CIMAP1D: variants seen among roughly 807,000 people sequenced by gnomAD.
The protein encoded by CIMAP1D is CIMAP1 family member D, also known as protein CIMAP1D.
the CIMAP1D span, among the ~76,000 whole-genome samples, chr19:475,866 C>A: frequency 6.6e-6 from 1 of 151,216 alleles, no homozygotes; most frequent in Non-Finnish European, 1.5e-5. Flanking sequence ...CTCTGCCTCC[C>A]GGGTTTATGC....
chr19:472,653 G>A, the CIMAP1D span: 1 of 530,006 alleles, frequency 1.9e-6, no homozygotes, highest in Non-Finnish European at 3.4e-6. Context: ...GCCCGTCGGG[G>A]ACAAAATGTG....
the CIMAP1D span, chr19:472,279 C>T: frequency 5.6e-6 from 3 of 538,606 alleles, no homozygotes; most frequent in East Asian, 1.0e-4. Context: ...GCCCTGCCTG[C>T]TTCCTGCCGC....
chr19:484,601 G>A, the CIMAP1D span, among the ~76,000 whole-genome samples: 1 of 152,346 alleles, frequency 6.6e-6, no homozygotes, highest in Non-Finnish European at 1.5e-5. Flanking sequence ...CCTGGAGGAA[G>A]TCAGGACCTC....
At chr19:489,631 T>G in the CIMAP1D span, 16,809 of 171,162 alleles carry the variant, frequency 0.098, 1,745 homozygotes, top group African/African-American at 0.27. Context: ...GTCGGGCCTG[T>G]GGGTGACCGT....
the CIMAP1D span, among the ~76,000 whole-genome samples, chr19:468,411 G>A: frequency 1.8e-4 from 28 of 152,222 alleles, no homozygotes; most frequent in Admixed American, 1.6e-3. Context: ...GAGCGACTAG[G>A]CTCTGAACCA....
the CIMAP1D span, among the ~76,000 whole-genome samples, chr19:487,257 G>GT: frequency 6.6e-6 from 1 of 152,200 alleles, no homozygotes; most frequent in East Asian, 1.9e-4. Context: ...CACGATGGGA[G>GT]TATTTACAAC....
chr19:486,475 C>T, the CIMAP1D span, among the ~76,000 whole-genome samples: 1 of 151,912 alleles, frequency 6.6e-6, no homozygotes, highest in African/African-American at 2.4e-5. Context: ...GAGTCTTGCT[C>T]TATCACCCAG....
At chr19:477,592 C>A in the CIMAP1D span, among the ~76,000 whole-genome samples, 5 of 148,106 alleles carry the variant, frequency 3.4e-5, 1 homozygote, top group Middle Eastern at 6.8e-3. Flanking sequence ...ACGTCAAAAT[C>A]AAAAAAAAGA....
the CIMAP1D span, chr19:474,587 A>T: frequency 6.8e-7 from 1 of 1,467,126 alleles, no homozygotes. Context: ...GGAGCAGGAA[A>T]AGGTCCCACC....
the CIMAP1D span, among the ~76,000 whole-genome samples, chr19:481,301 AGGATGATGGAG>A: frequency 7.1e-6 from 1 of 141,246 alleles, no homozygotes; most frequent in East Asian, 2.2e-4. Context: ...GATGATGGGA[AGGATGATGGAG>A]AACGATGATG....
the CIMAP1D span, chr19:463,427 G>C: frequency 2.7e-4 from 67 of 251,874 alleles, no homozygotes; most frequent in Admixed American, 4.1e-4. Context: ...CACAGGCCTC[G>C]GGGCTGCCTC....
chr19:479,959 TG>T, the CIMAP1D span, among the ~76,000 whole-genome samples: 4 of 152,380 alleles, frequency 2.6e-5, no homozygotes, highest in South Asian at 8.3e-4. Flanking sequence ...TTTCTACGTT[TG>T]TCCCTTCGTT....
the CIMAP1D span, chr19:475,008 A>G: frequency 8.0e-6 from 3 of 375,854 alleles, 1 homozygote; most frequent in Non-Finnish European, 1.4e-5. Context: ...TGGATGGTCC[A>G]GGAAAGAGTC....
chr19:480,643 T>TAAGGATGATGGAG, the CIMAP1D span, among the ~76,000 whole-genome samples: 8 of 28,864 alleles, frequency 2.8e-4, no homozygotes, highest in East Asian at 1.3e-3. Flanking sequence ...AGGATGATGG[T>TAAGGATGATGGAG]AAGGATGATG....
At chr19:490,125 G>A in the CIMAP1D span, 7 of 391,876 alleles carry the variant, frequency 1.8e-5, no homozygotes, top group Non-Finnish European at 2.7e-5. Context: ...GGAGGCCGAG[G>A]CAGGTGGATC....
At chr19:485,274 G>GCACA in the CIMAP1D span, among the ~76,000 whole-genome samples, 6 of 152,322 alleles carry the variant, frequency 3.9e-5, no homozygotes, top group African/African-American at 1.4e-4. Context: ...AGGCAGGCGC[G>GCACA]CACACACACG....
chr19:467,613 C>T, the CIMAP1D span: 1 of 1,349,688 alleles, frequency 7.4e-7, no homozygotes, highest in South Asian at 1.2e-5. Flanking sequence ...CCCTGGAAAG[C>T]AGGTCCTTGT....
the CIMAP1D span, among the ~76,000 whole-genome samples, chr19:480,009 G>C: frequency 0.05 from 7,654 of 152,316 alleles, 364 homozygotes; most frequent in Admixed American, 0.16. Context: ...AACTGTGGCG[G>C]TCAGCCACAG....
At chr19:472,462 C>T in the CIMAP1D span, 2 of 1,547,248 alleles carry the variant, frequency 1.3e-6, no homozygotes, top group East Asian at 2.5e-5. Context: ...GTTGATGAAG[C>T]CCACGGTGGA....
Sources: gnomAD v4.1 joint callset for allele counts (sites outside exome capture counted in the v4.1 genomes callset) on GRCh38, gnomAD v4.1.1 for gene constraint, MANE v1.5 for transcripts, NCBI Gene and HGNC (gene_info 2026-07-23, HGNC 2026-07-21) for gene names.